The following BBX variants were observed in gnomAD, a reference collection of about 807,000 sequenced individuals.
BBX encodes HMG box transcription factor BBX.
Under a neutral mutation model 100.2 loss-of-function variants are expected in BBX, and 30 were observed. The ratio of observed to expected loss-of-function variants is 0.30; its 90% CI spans 0.22 to 0.41. BBX has a LOEUF of 0.41. BBX is among the 10% of genes least tolerant of loss of function. The pLI is 1.00. For missense variants in BBX, 1,023 were observed against 1,129.8 expected (o/e 0.91, Z 1.35); for synonymous variants, 376 against 388.1 (o/e 0.97, Z 0.37).
chr3:107,540,089 A>T (rs1035190992), intron 2 of BBX, among the ~76,000 whole-genome samples: 4 of 152,190 alleles, frequency 2.6e-5, no homozygotes, highest in Non-Finnish European at 4.4e-5. Context: ...TACCTGCCAA[A>T]TAGTAGGGAT....
At chr3:107,662,326 C>T (rs2058492704) in intron 3 of BBX, among the ~76,000 whole-genome samples, 1 of 151,920 alleles carries the variant, frequency 6.6e-6, no homozygotes, top group Non-Finnish European at 1.5e-5. Context: ...TTTTTGCTTC[C>T]CTGTGAGTGA....
intron 2 of BBX, among the ~76,000 whole-genome samples, chr3:107,537,140 C>T (rs1023893365): frequency 3.3e-5 from 5 of 152,134 alleles, no homozygotes; most frequent in African/African-American, 1.2e-4. Context: ...TAAAAGGCCA[C>T]TGACATTTTT....
chr3:107,796,353 G>A (rs2069666647), intron 15 of BBX, among the ~76,000 whole-genome samples: 1 of 152,132 alleles, frequency 6.6e-6, no homozygotes, highest in African/African-American at 2.4e-5. Flanking sequence ...TCCATCTTTG[G>A]AACCCCACTA....
At chr3:107,658,031 C>T (rs1559928761) in intron 3 of BBX, among the ~76,000 whole-genome samples, 3 of 151,966 alleles carry the variant, frequency 2.0e-5, no homozygotes, top group Admixed American at 6.6e-5. Context: ...GAAAAAAGTT[C>T]CTTGAGTTAG....
intron 2 of BBX, among the ~76,000 whole-genome samples, chr3:107,638,334 C>T (rs567435929): frequency 2.0e-5 from 3 of 152,268 alleles, no homozygotes; most frequent in East Asian, 1.9e-4. Flanking sequence ...GAATTATAGG[C>T]GTGAGCCATG....
At chr3:107,731,154 C>CT (rs2063291921) in intron 6 of BBX, among the ~76,000 whole-genome samples, 1 of 152,088 alleles carries the variant, frequency 6.6e-6, no homozygotes, top group Non-Finnish European at 1.5e-5. Context: ...TTCTAAATAA[C>CT]TTTATGTAAG....
At chr3:107,702,307 T>G (rs1323265637) in intron 3 of BBX, among the ~76,000 whole-genome samples, 1 of 152,208 alleles carries the variant, frequency 6.6e-6, no homozygotes, top group Admixed American at 6.5e-5. Flanking sequence ...GGAACATGTT[T>G]TAGACAGCTG....
chr3:107,775,629 T>C (rs1039932903), intron 12 of BBX, among the ~76,000 whole-genome samples: 2 of 152,108 alleles, frequency 1.3e-5, no homozygotes, highest in Non-Finnish European at 2.9e-5. Flanking sequence ...CATTGTTATA[T>C]TCACCATATT....
chr3:107,763,501 T>C (rs562039312), intron 10 of BBX, among the ~76,000 whole-genome samples: 1 of 152,346 alleles, frequency 6.6e-6, no homozygotes, highest in South Asian at 2.1e-4. Context: ...TAAAAGCTTG[T>C]TGCAGCCAAG....
intron 15 of BBX, 70 bp from the exon 16 acceptor site, chr3:107,798,452 GT>G (rs1324471708): frequency 2.0e-5 from 28 of 1,422,280 alleles, no homozygotes; most frequent in Non-Finnish European, 2.4e-5. Flanking sequence ...ATTTAGACAT[GT>G]TTCCTTCTAA....
At chr3:107,678,169 A>G (rs1243409898) in intron 3 of BBX, among the ~76,000 whole-genome samples, 1 of 151,794 alleles carries the variant, frequency 6.6e-6, no homozygotes, top group Non-Finnish European at 1.5e-5. Flanking sequence ...ATGCATTTTC[A>G]TGGAATTCTT....
chr3:107,630,239 T>G (rs1377960869), intron 2 of BBX, among the ~76,000 whole-genome samples: 2 of 152,230 alleles, frequency 1.3e-5, no homozygotes, highest in Admixed American at 1.3e-4. Context: ...TATTTTAAAG[T>G]GTCTCCTGTG....
chr3:107,761,113 C>T (rs770264414), intron 10 of BBX, among the ~76,000 whole-genome samples: 30 of 152,062 alleles, frequency 2.0e-4, no homozygotes, highest in Non-Finnish European at 3.5e-4. Flanking sequence ...TACCTGACCG[C>T]CATACATAGT....
At chr3:107,774,976 C>A (rs906619170) in intron 12 of BBX, 119 bp downstream of exon 12, 35 of 1,231,176 alleles carry the variant, frequency 2.8e-5, no homozygotes, top group Non-Finnish European at 3.6e-5. Context: ...CTCAGGACTT[C>A]CTACAATCTT....
Position 107,611,132 on chromosome 3 carries a change from A to G in BBX, c.-83-34704A>G, listed in dbSNP as rs564102918. Among the ~76,000 whole-genome samples, 9 of 152,270 alleles carry G rather than the reference A, an allele frequency of 5.9e-5. No individual in the cohort carries two copies. The East Asian group carries it at 1.7e-3, about 29-fold the overall frequency. On this transcript the variant is annotated intron_variant, in intron 2 of 17. Coordinates refer to ENST00000325805, the MANE Select transcript of BBX (RefSeq NM_001142568.3). ...CAAAATGAGAACTATTAAAAACTGT[A>G]TGCTTTAATTTCATATCCCCACTTT...
At chr3:107,689,413 G>A (rs1224731491) in intron 3 of BBX, among the ~76,000 whole-genome samples, 3 of 152,160 alleles carry the variant, frequency 2.0e-5, no homozygotes, top group Admixed American at 6.5e-5. Flanking sequence ...TAGTTAAAAT[G>A]TTAAGATATG....
chr3:107,694,677 C>T (rs1450034472), intron 3 of BBX, among the ~76,000 whole-genome samples: 1 of 150,766 alleles, frequency 6.6e-6, no homozygotes, highest in Non-Finnish European at 1.5e-5. Flanking sequence ...GTGTCTCTGC[C>T]TGGCTTTGGT....
chr3:107,796,650 A>T (rs900450408), intron 15 of BBX, among the ~76,000 whole-genome samples: 1 of 152,160 alleles, frequency 6.6e-6, no homozygotes, highest in Non-Finnish European at 1.5e-5. Flanking sequence ...AAATAGAATC[A>T]TGCATCTTCT....
chr3:107,531,008 T>C (rs1012773009), intron 2 of BBX, among the ~76,000 whole-genome samples: 1 of 152,194 alleles, frequency 6.6e-6, no homozygotes, highest in African/African-American at 2.4e-5. Context: ...TCATTCAGTG[T>C]TTCTGGGGTG....
Sources: gnomAD v4.1 joint callset for allele counts (sites outside exome capture counted in the v4.1 genomes callset) on GRCh38, gnomAD v4.1.1 for gene constraint, MANE v1.5 for transcripts, NCBI Gene and HGNC (gene_info 2026-07-23, HGNC 2026-07-21) for gene names.